The following ARMH4 variants were observed in gnomAD, a reference collection of about 807,000 sequenced individuals.
The protein encoded by ARMH4 is armadillo-like helical domain-containing protein 4.
ARMH4 carries 49 observed loss-of-function variants against 61.9 expected under a neutral mutation model. The ratio of observed to expected loss-of-function variants is 0.79; its 90% CI spans 0.63 to 1.00. ARMH4 has a LOEUF of 1.00. ARMH4 is among the 50% of genes least tolerant of loss of function. ARMH4 has a pLI of 0.00. For synonymous variants in ARMH4, 368 were observed against 341.5 expected, an observed-to-expected ratio of 1.08 and a Z score of -0.85; for missense variants, 934 against 930.0, an observed-to-expected ratio of 1.00 and a Z score of -0.06.
chr14:58,032,771 G>A (rs538780039), intron 5 of ARMH4, among the ~76,000 whole-genome samples: 84 of 152,118 alleles, frequency 5.5e-4, no homozygotes, highest in Non-Finnish European at 1.0e-3. Context: ...TTCCCTTTCC[G>A]AGTCAAAGAA....
At chr14:58,024,784 T>C (rs983770388) in intron 5 of ARMH4, among the ~76,000 whole-genome samples, 1 of 152,150 alleles carries the variant, frequency 6.6e-6, no homozygotes, top group Non-Finnish European at 1.5e-5. Flanking sequence ...AATTTCAATA[T>C]TGTTTTGTCT....
chr14:58,102,674 G>A (rs1289236519), intron 4 of ARMH4, among the ~76,000 whole-genome samples: 4 of 150,904 alleles, frequency 2.7e-5, no homozygotes, highest in Admixed American at 6.6e-5. Context: ...AGCCGGGCGC[G>A]GTGGCGGGCG....
At chr14:58,011,027 C>G (rs986118651) in intron 6 of ARMH4, among the ~76,000 whole-genome samples, 1 of 152,006 alleles carries the variant, frequency 6.6e-6, no homozygotes, top group African/African-American at 2.4e-5. Flanking sequence ...TTTCTTCCCC[C>G]CAAGTTTTTC....
intron 5 of ARMH4, among the ~76,000 whole-genome samples, chr14:58,032,484 C>T (rs1340115669): frequency 1.3e-5 from 2 of 152,104 alleles, no homozygotes; most frequent in African/African-American, 2.4e-5. Context: ...TTTATAAATG[C>T]ATAAAATAAA....
intron 5 of ARMH4, among the ~76,000 whole-genome samples, chr14:58,033,246 T>C: frequency 8.4e-6 from 1 of 118,398 alleles, no homozygotes; most frequent in East Asian, 2.2e-4. Context: ...CCCTGACCCC[T>C]GACCCCCAAG....
intron 5 of ARMH4, among the ~76,000 whole-genome samples, chr14:58,050,596 G>C (rs1884104959): frequency 6.6e-6 from 1 of 152,044 alleles, no homozygotes; most frequent in African/African-American, 2.4e-5. Context: ...TGTTGACTCA[G>C]TCTTGCCTTA....
At chr14:58,015,128 G>A (rs188871531) in intron 5 of ARMH4, among the ~76,000 whole-genome samples, 2 of 152,254 alleles carry the variant, frequency 1.3e-5, no homozygotes, top group East Asian at 1.9e-4. Flanking sequence ...AGGCTTCACC[G>A]GTAAACTGTC....
intron 5 of ARMH4, among the ~76,000 whole-genome samples, chr14:58,065,079 TA>T (rs1884660659): frequency 6.6e-6 from 1 of 152,088 alleles, no homozygotes; most frequent in Non-Finnish European, 1.5e-5. Context: ...CCGTCTCTAC[TA>T]AAAATACAAA....
At chr14:58,060,957 T>C (rs1174726603) in intron 5 of ARMH4, among the ~76,000 whole-genome samples, 1 of 152,160 alleles carries the variant, frequency 6.6e-6, no homozygotes, top group African/African-American at 2.4e-5. Context: ...CTGGAACCAC[T>C]GATGCAGCCT....
chr14:58,144,248 A>G (rs1390203270), intron 1 of ARMH4, among the ~76,000 whole-genome samples: 1 of 152,084 alleles, frequency 6.6e-6, no homozygotes, highest in African/African-American at 2.4e-5. Context: ...TGATGCCTCT[A>G]TTTGCCTTCC....
At chr14:58,120,222 C>T (rs1886678535) in intron 4 of ARMH4, among the ~76,000 whole-genome samples, 1 of 152,036 alleles carries the variant, frequency 6.6e-6, no homozygotes. Flanking sequence ...AGAAAAGGTA[C>T]AGTAAAAGTA....
chr14:58,017,191 G>A (rs1006679724), intron 5 of ARMH4, among the ~76,000 whole-genome samples: 1 of 152,096 alleles, frequency 6.6e-6, no homozygotes, highest in African/African-American at 2.4e-5. Flanking sequence ...TGGCACACCT[G>A]TAGTCTCAGC....
At chr14:58,011,188 T>C (rs183186668) in intron 6 of ARMH4, among the ~76,000 whole-genome samples, 55 of 152,320 alleles carry the variant, frequency 3.6e-4, no homozygotes, top group African/African-American at 1.2e-3. Context: ...AAAAACTATC[T>C]GTGCTAAATT....
intron 5 of ARMH4, among the ~76,000 whole-genome samples, chr14:58,088,907 C>A (rs1424748088): frequency 1.3e-5 from 2 of 152,184 alleles, no homozygotes; most frequent in Admixed American, 1.3e-4. Flanking sequence ...TGCTCTTTCT[C>A]CATCTCCCTA....
intron 1 of ARMH4, among the ~76,000 whole-genome samples, chr14:58,150,637 G>A (rs1043275602): frequency 6.6e-6 from 1 of 152,106 alleles, no homozygotes; most frequent in Admixed American, 6.6e-5. Flanking sequence ...AATTGGCTCC[G>A]TTGCTGTAGC....
intron 5 of ARMH4, among the ~76,000 whole-genome samples, chr14:58,074,559 T>C (rs1238409822): frequency 6.6e-6 from 1 of 152,026 alleles, no homozygotes; most frequent in African/African-American, 2.4e-5. Flanking sequence ...GTAGTATTTA[T>C]TAATTTCTGT....
intron 1 of ARMH4, among the ~76,000 whole-genome samples, chr14:58,151,714 G>A (rs1887930261): frequency 1.3e-5 from 2 of 152,318 alleles, no homozygotes; most frequent in Non-Finnish European, 1.5e-5. Flanking sequence ...GCGAGCGGAG[G>A]GAGAAAGAGA....
Position 58,139,400 on chromosome 14 carries a change from T to C in ARMH4, c.-42A>G, listed in dbSNP as rs1359135628. The C allele has an allele frequency of 4.4e-6, 7 of 1,583,748 alleles. No homozygotes were observed. Among genetic ancestry groups the C allele is most frequent in the African/African-American group, 1.3e-5 (1 of 74,230 alleles). On this transcript the variant is annotated 5_prime_UTR_variant, in exon 2 of 8. Coordinates refer to ENST00000267485, the MANE Select transcript of ARMH4 (RefSeq NM_001001872.4). ...CACGTACACTGGCAGAGTTGACAAG[T>C]CCAGTAATTGAATCCTGCAGAAAAA... is the stretch of plus-strand genomic sequence containing the variant.
intron 4 of ARMH4, among the ~76,000 whole-genome samples, chr14:58,122,397 G>T (rs980227511): frequency 2.0e-5 from 3 of 152,112 alleles, no homozygotes; most frequent in Non-Finnish European, 4.4e-5. Flanking sequence ...TTTCTAGAGA[G>T]ACTAAGGGAG....
Sources: gnomAD v4.1 joint callset for allele counts (sites outside exome capture counted in the v4.1 genomes callset) on GRCh38, gnomAD v4.1.1 for gene constraint, MANE v1.5 for transcripts, NCBI Gene and HGNC (gene_info 2026-07-23, HGNC 2026-07-21) for gene names.